The following RAVER2 variants were observed in gnomAD, a reference collection of about 807,000 sequenced individuals.
RAVER2 encodes the protein ribonucleoprotein, PTB binding 2.
Under a neutral mutation model 78.1 loss-of-function variants are expected in RAVER2, and 46 were observed. That is an observed-to-expected ratio of 0.59 (90% confidence interval 0.46 to 0.75). The LOEUF (loss-of-function observed/expected upper bound fraction) is 0.75, where lower values mean the gene tolerates loss of function less well. Among genes scored for constraint, RAVER2 ranks in the 30% least tolerant of loss-of-function variants. The probability of loss-of-function intolerance (pLI) is 0.00; values close to 1 mark genes in which losing one functional copy is unlikely to be tolerated. For synonymous variants in RAVER2, 311 were observed against 313.3 expected, an observed-to-expected ratio of 0.99 and a Z score of 0.08; for missense variants, 793 against 837.5, an observed-to-expected ratio of 0.95 and a Z score of 0.66.
rs1025322210 is a variant in RAVER2, at chr1:64,745,715, G to A, written c.249+294G>A. On this transcript the variant is annotated intron_variant, in intron 1 of 11. Coordinates refer to ENST00000294428, the Ensembl canonical transcript of RAVER2. The surrounding 1 kb of genome is among the most constrained non-coding windows in gnomAD (Gnocchi z 4.3). ...CGGCCCGGTCTTTCCTTCCCCTACG[G>A]CCGTAGAGGAGTAGGAGGTGAAGGA... 1.3e-5 allele frequency among the ~76,000 whole-genome samples: 2 copies of A among 152,006 alleles called. No individual in the cohort carries two copies. Among genetic ancestry groups the A allele is most frequent in the Non-Finnish European group, 2.9e-5 (2 of 67,980 alleles).
intron 4 of RAVER2, among the ~76,000 whole-genome samples, chr1:64,787,942 G>A (rs919777434): frequency 7.2e-5 from 11 of 152,024 alleles, no homozygotes; most frequent in African/African-American, 2.2e-4. Context: ...TCTCAATTTC[G>A]CAGTATGTGG....
At chr1:64,815,338 G>A (rs1653730088) in intron 11 of RAVER2, 2 of 152,318 alleles carry the variant, frequency 1.3e-5, no homozygotes, top group South Asian at 4.1e-4. Context: ...TCCACTGATT[G>A]TAGATGGAGA....
intron 1 of RAVER2, 102 bp from the exon 2 acceptor site, chr1:64,768,554 C>T: frequency 1.4e-6 from 1 of 728,348 alleles, no homozygotes; most frequent in Non-Finnish European, 2.4e-6. Flanking sequence ...TTACATGGGA[C>T]ATGGTGGTGG....
intron 11 of RAVER2, among the ~76,000 whole-genome samples, chr1:64,820,029 AG>A (rs1342221033): frequency 1.1e-4 from 17 of 152,226 alleles, no homozygotes; most frequent in African/African-American, 4.1e-4. Flanking sequence ...TAATGTATAT[AG>A]ATATAGTATA....
intron 5 of RAVER2, among the ~76,000 whole-genome samples, chr1:64,801,534 T>A (rs1382127969): frequency 1.3e-5 from 2 of 149,720 alleles, no homozygotes; most frequent in Admixed American, 6.7e-5. Context: ...TTTTTTTTTT[T>A]AAAGTCAGAG....
intron 8 of RAVER2, among the ~76,000 whole-genome samples, chr1:64,806,793 TAAACTTA>T (rs1312882699): frequency 6.6e-6 from 1 of 152,202 alleles, no homozygotes; most frequent in African/African-American, 2.4e-5. Flanking sequence ...GATAACTTTT[TAAACTTA>T]AAACTTAATT....
At chr1:64,814,426 T>C (rs1161872340) in intron 10 of RAVER2, among the ~76,000 whole-genome samples, 2 of 152,070 alleles carry the variant, frequency 1.3e-5, no homozygotes, top group Non-Finnish European at 2.9e-5. Flanking sequence ...TTTGAACCTT[T>C]CCACCAAAAT....
chr1:64,785,653 G>A (rs1481108714), intron 4 of RAVER2, among the ~76,000 whole-genome samples: 4 of 152,102 alleles, frequency 2.6e-5, no homozygotes, highest in Admixed American at 1.3e-4. Flanking sequence ...ACAGGAGTGA[G>A]CCACCATGCC....
intron 6 of RAVER2, among the ~76,000 whole-genome samples, chr1:64,804,410 AG>A (rs1308274729): frequency 2.0e-5 from 3 of 152,194 alleles, no homozygotes; most frequent in Non-Finnish European, 4.4e-5. Context: ...CCTAGAACAT[AG>A]AAAGTGCTCA....
intron 2 of RAVER2, among the ~76,000 whole-genome samples, chr1:64,774,168 G>A (rs1652398633): frequency 1.3e-5 from 2 of 152,142 alleles, no homozygotes; most frequent in Admixed American, 1.3e-4. Flanking sequence ...CTGTGCAGAA[G>A]CTCTTTAGTT....
chr1:64,756,351 C>G (rs1651856015), intron 1 of RAVER2, among the ~76,000 whole-genome samples: 1 of 152,052 alleles, frequency 6.6e-6, no homozygotes, highest in Admixed American at 6.6e-5. Context: ...ATCCTATTCC[C>G]CTTCAAGCAT....
rs1641137298 is a variant in RAVER2, at chr1:64,781,591, G to A, written c.978+20G>A. The A allele has an allele frequency of 6.3e-7, 1 of 1,597,942 alleles. No individual in the cohort carries two copies. The highest frequency in any genetic ancestry group is 8.5e-7 in the Non-Finnish European group (1 of 1,173,346). On this transcript the variant is annotated intron_variant, in intron 4 of 11. Transcript: ENST00000294428. ...CGTGTGGTAAGTTTTTTCTCTTTCT[G>A]TCTCTTTTTTTAGAGTATAGAAAAT...
chr1:64,770,008 C>G (rs919614907), intron 2 of RAVER2, among the ~76,000 whole-genome samples: 1 of 151,974 alleles, frequency 6.6e-6, no homozygotes, highest in African/African-American at 2.4e-5. Context: ...ATATATAACT[C>G]AGGTTCATTG....
chr1:64,780,328 T>A (rs1652594377), intron 3 of RAVER2, among the ~76,000 whole-genome samples: 1 of 152,224 alleles, frequency 6.6e-6, no homozygotes, highest in Non-Finnish European at 1.5e-5. Context: ...AAGAGGTAGA[T>A]GTTTTTCCTT....
chr1:64,804,140 C>T (rs927904072), intron 6 of RAVER2, among the ~76,000 whole-genome samples: 5 of 152,118 alleles, frequency 3.3e-5, no homozygotes, highest in African/African-American at 1.2e-4. Flanking sequence ...ACCCCAACAT[C>T]ACCTAATTCC....
chr1:64,783,357 A>G (rs1045271094), intron 4 of RAVER2, among the ~76,000 whole-genome samples: 2 of 152,172 alleles, frequency 1.3e-5, no homozygotes, highest in African/African-American at 4.8e-5. Context: ...AACAGTGTAA[A>G]AGCGTTCCTA....
chr1:64,764,020 T>C (rs1414770867), intron 1 of RAVER2, among the ~76,000 whole-genome samples: 1 of 151,946 alleles, frequency 6.6e-6, no homozygotes, highest in Non-Finnish European at 1.5e-5. Context: ...TACTCCCAGC[T>C]TCATTCTTGA....
intron 11 of RAVER2, among the ~76,000 whole-genome samples, chr1:64,828,166 A>T (rs1021053201): frequency 5.0e-4 from 14 of 28,270 alleles, no homozygotes; most frequent in African/African-American, 6.7e-4. Flanking sequence ...CACCCCCCCC[A>T]CCCCCCGCCC....
intron 9 of RAVER2, among the ~76,000 whole-genome samples, chr1:64,807,925 A>T (rs1653489357): frequency 6.6e-6 from 1 of 152,168 alleles, no homozygotes; most frequent in Non-Finnish European, 1.5e-5. Context: ...AAAGCTTAGG[A>T]GTATCAATGC....
Sources: allele counts gnomAD v4.1 joint callset (sites outside exome capture counted in the v4.1 genomes callset), GRCh38; gene constraint gnomAD v4.1.1; non-coding constraint Gnocchi (gnomAD v3.1); transcripts MANE v1.5; gene names NCBI Gene and HGNC (gene_info 2026-07-23, HGNC 2026-07-21).